Variants in BMP5 observed in about 807,000 individuals in gnomAD.
BMP5 encodes the protein bone morphogenetic protein 5.
Under a neutral mutation model 46.6 loss-of-function variants are expected in BMP5, and 23 were observed. That is an observed-to-expected ratio of 0.49 (90% CI 0.35 to 0.70). The LOEUF (loss-of-function observed/expected upper bound fraction) is 0.70. Among genes scored for constraint, BMP5 ranks in the 30% least tolerant of loss-of-function variants. The pLI is 0.00. For synonymous variants in BMP5, 204 were observed against 191.9 expected, an observed-to-expected ratio of 1.06 and a Z score of -0.52; for missense variants, 545 against 565.6, an observed-to-expected ratio of 0.96 and a Z score of 0.37.
At chr6:55,813,155 A>AT (rs1776174219) in intron 2 of BMP5, among the ~76,000 whole-genome samples, 1 of 151,900 alleles carries the variant, frequency 6.6e-6, no homozygotes, top group African/African-American at 2.4e-5. Flanking sequence ...TTTTGTTTTG[A>AT]TTTTTTACTC....
chr6:55,857,221 A>G (rs1777421941), intron 1 of BMP5, among the ~76,000 whole-genome samples: 1 of 152,208 alleles, frequency 6.6e-6, no homozygotes, highest in South Asian at 2.1e-4. Flanking sequence ...CAGCTAACAC[A>G]ATATGTTACT....
chr6:55,851,515 C>T (rs558322508), intron 1 of BMP5, among the ~76,000 whole-genome samples: 5 of 152,156 alleles, frequency 3.3e-5, no homozygotes, highest in Non-Finnish European at 7.4e-5. Context: ...GGAAAGCTGG[C>T]TTCCACCCCA....
chr6:55,846,141 C>T (rs1281874459), intron 1 of BMP5, among the ~76,000 whole-genome samples: 1 of 151,964 alleles, frequency 6.6e-6, no homozygotes, highest in Non-Finnish European at 1.5e-5. Flanking sequence ...GTTCATTCTT[C>T]AGTTGCTAAT....
At chr6:55,834,426 C>A (rs1385342166) in intron 1 of BMP5, among the ~76,000 whole-genome samples, 1 of 152,032 alleles carries the variant, frequency 6.6e-6, no homozygotes, top group Admixed American at 6.6e-5. Context: ...ATGTAACATG[C>A]CTTGCCTCTT....
At chr6:55,808,652 A>G (rs1211926057) in intron 2 of BMP5, among the ~76,000 whole-genome samples, 1 of 152,162 alleles carries the variant, frequency 6.6e-6, no homozygotes, top group African/African-American at 2.4e-5. Flanking sequence ...TTCCATGGAA[A>G]AAGCATGTTT....
At chr6:55,765,727 C>T (rs1352971451) in intron 4 of BMP5, among the ~76,000 whole-genome samples, 2 of 152,088 alleles carry the variant, frequency 1.3e-5, no homozygotes, top group African/African-American at 2.4e-5. Flanking sequence ...GTAATACGTA[C>T]TGTTGTTTAT....
rs144055591 is a variant in BMP5, at chr6:55,760,080, A to G, written c.1104+377T>C. Among the ~76,000 whole-genome samples the G allele has an allele frequency of 7.3e-3, 1,109 of 152,110 alleles. 14 individuals are homozygous for G. Among genetic ancestry groups the G allele is most frequent in the African/African-American group, 0.025 (1,026 of 41,536 alleles). ...AAATGTCTGTCATCTTCCCCATGACAGGGACATTCCAATAGTTGGAGACCC... is the reference window on the plus strand; with the variant it reads ...AAATGTCTGTCATCTTCCCCATGACGGGGACATTCCAATAGTTGGAGACCC... On this transcript the variant is annotated intron_variant, in intron 5 of 6. Coordinates refer to ENST00000370830, the MANE Select transcript of BMP5 (RefSeq NM_021073.4).
chr6:55,776,144 A>G (rs1248060278), intron 3 of BMP5, among the ~76,000 whole-genome samples: 1 of 152,026 alleles, frequency 6.6e-6, no homozygotes, highest in African/African-American at 2.4e-5. Context: ...GCAAACTTAC[A>G]GTGGCTCTAT....
At chr6:55,787,925 A>G (rs1051856540) in intron 3 of BMP5, among the ~76,000 whole-genome samples, 3 of 151,626 alleles carry the variant, frequency 2.0e-5, no homozygotes, top group African/African-American at 7.2e-5. Flanking sequence ...TACCATTTAC[A>G]TGGTGGAGAT....
At chr6:55,849,923 AC>A in intron 1 of BMP5, among the ~76,000 whole-genome samples, 1 of 152,194 alleles carries the variant, frequency 6.6e-6, no homozygotes, top group East Asian at 1.9e-4. Flanking sequence ...ACCTAAACTT[AC>A]AGTACATTTT....
At chr6:55,769,903 T>G (rs780513012) in intron 4 of BMP5, among the ~76,000 whole-genome samples, 2 of 151,852 alleles carry the variant, frequency 1.3e-5, no homozygotes, top group Non-Finnish European at 2.9e-5. Flanking sequence ...GAATCTTTTT[T>G]CTGGACAATA....
intron 1 of BMP5, among the ~76,000 whole-genome samples, chr6:55,847,637 G>A (rs1197858355): frequency 6.6e-6 from 1 of 151,800 alleles, no homozygotes; most frequent in Non-Finnish European, 1.5e-5. Flanking sequence ...ATATAAAAAT[G>A]CAATAATTTT....
At chr6:55,858,165 A>G (rs1264477412) in intron 1 of BMP5, among the ~76,000 whole-genome samples, 1 of 152,220 alleles carries the variant, frequency 6.6e-6, no homozygotes, top group African/African-American at 2.4e-5. Context: ...AGTTATTTAG[A>G]CCAAATCTAT....
intron 2 of BMP5, among the ~76,000 whole-genome samples, chr6:55,801,022 A>G (rs1428027315): frequency 6.6e-6 from 1 of 152,162 alleles, no homozygotes; most frequent in Non-Finnish European, 1.5e-5. Flanking sequence ...CTAAGAAGTG[A>G]CTTTGGCTGT....
At chr6:55,844,927 C>T (rs1206041836) in intron 1 of BMP5, among the ~76,000 whole-genome samples, 1 of 151,894 alleles carries the variant, frequency 6.6e-6, no homozygotes, top group Non-Finnish European at 1.5e-5. Flanking sequence ...ATGTTTAATT[C>T]ATTTTAAGTT....
chr6:55,776,145 G>A (rs1456204936), intron 3 of BMP5, among the ~76,000 whole-genome samples: 1 of 151,974 alleles, frequency 6.6e-6, no homozygotes, highest in African/African-American at 2.4e-5. Flanking sequence ...CAAACTTACA[G>A]TGGCTCTATG....
At position 55,794,380 on chromosome 6, in the gene BMP5, T is replaced by C. The variant is rs1374940556; in HGVS notation, c.731A>G (p.Asp244Gly). ...LLDTRKAQAL[D>G]VGWLVFDITV... ...GATATCAAAGACAAGCCAACCCACATCTAAAGCTTGGGCCTTTCTTGTGTC... is the reference window on the plus strand; with the variant it reads ...GATATCAAAGACAAGCCAACCCACACCTAAAGCTTGGGCCTTTCTTGTGTC... The change falls in exon 3 of 7, where the codon GAT (aspartate) becomes GGT (glycine). Residue 244 changes from aspartate (D) to glycine (G), a missense_variant. Transcript: ENST00000370830. 13 of 1,613,832 alleles carry C rather than the reference T, an allele frequency of 8.1e-6. No individual in the cohort carries two copies. Among genetic ancestry groups the C allele is most frequent in the Non-Finnish European group, 1.1e-5 (13 of 1,179,924 alleles).
chr6:55,804,532 A>C (rs1472351553), intron 2 of BMP5, among the ~76,000 whole-genome samples: 4 of 152,218 alleles, frequency 2.6e-5, no homozygotes. Flanking sequence ...CAATTCTAGG[A>C]AACTAATATA....
intron 1 of BMP5, 145 bp from the exon 2 acceptor site, chr6:55,819,992 G>C: frequency 1.4e-6 from 1 of 722,128 alleles, no homozygotes; most frequent in Non-Finnish European, 2.3e-6. Flanking sequence ...AAACTGAAAC[G>C]TGTTTCCAGT....
Sources: gnomAD v4.1 joint callset for allele counts (sites outside exome capture counted in the v4.1 genomes callset) on GRCh38, gnomAD v4.1.1 for gene constraint, MANE v1.5 for transcripts, NCBI Gene and HGNC (gene_info 2026-07-23, HGNC 2026-07-21) for gene names.